The following TSHZ2 variants were observed in gnomAD, a reference collection of about 807,000 sequenced individuals.
TSHZ2 encodes the protein teashirt zinc finger homeobox 2.
TSHZ2 carries 21 observed loss-of-function variants against 74.4 expected under a neutral mutation model. That is an observed-to-expected ratio of 0.28 (90% CI 0.20 to 0.41). The LOEUF (loss-of-function observed/expected upper bound fraction) is 0.41, where lower values mean the gene tolerates loss of function less well. TSHZ2 is among the 10% of genes least tolerant of loss of function. TSHZ2 has a pLI of 1.00. For missense variants in TSHZ2, 1,244 were observed against 1,293.5 expected, an observed-to-expected ratio of 0.96 and a Z score of 0.59; for synonymous variants, 540 against 515.3, an observed-to-expected ratio of 1.05 and a Z score of -0.65.
At chr20:53,454,114 A>T (rs1050406610) in intron 2 of TSHZ2, among the ~76,000 whole-genome samples, 4 of 152,192 alleles carry the variant, frequency 2.6e-5, no homozygotes, top group Non-Finnish European at 5.9e-5. Context: ...TTGCTACTGA[A>T]AATTCCAGGC....
chr20:53,455,611 G>A (rs1377606166), intron 2 of TSHZ2, among the ~76,000 whole-genome samples: 1 of 151,860 alleles, frequency 6.6e-6, no homozygotes, highest in Non-Finnish European at 1.5e-5. Context: ...TGTGCACATT[G>A]TGCAGGTTAG....
At chr20:53,006,832 G>A (rs182321194) in intron 1 of TSHZ2, among the ~76,000 whole-genome samples, 1 of 152,098 alleles carries the variant, frequency 6.6e-6, no homozygotes, top group South Asian at 2.1e-4. Flanking sequence ...TGGTGGGGTA[G>A]GGTGCTATGG....
intron 1 of TSHZ2, among the ~76,000 whole-genome samples, chr20:53,169,129 T>C (rs918282741): frequency 3.3e-5 from 5 of 152,224 alleles, no homozygotes; most frequent in African/African-American, 1.2e-4. Flanking sequence ...GTAAGTGGGA[T>C]GGATAGGTAT....
intron 2 of TSHZ2, among the ~76,000 whole-genome samples, chr20:53,486,795 G>C (rs188341089): frequency 1.5e-4 from 22 of 151,244 alleles, no homozygotes; most frequent in African/African-American, 5.4e-4. Flanking sequence ...TCATCACCCA[G>C]GCAGTGAGCA....
intron 1 of TSHZ2, among the ~76,000 whole-genome samples, chr20:53,023,493 C>A (rs11907794): frequency 1.3e-5 from 2 of 152,052 alleles, no homozygotes; most frequent in Non-Finnish European, 2.9e-5. Context: ...TTAGCCTCTA[C>A]GCAGGAGTAC....
intron 1 of TSHZ2, among the ~76,000 whole-genome samples, chr20:53,227,807 C>G (rs915535823): frequency 6.6e-6 from 1 of 152,096 alleles, no homozygotes; most frequent in African/African-American, 2.4e-5. Flanking sequence ...CTGTTCAGAG[C>G]TATATCAGTA....
At chr20:53,141,273 T>C (rs974857343) in intron 1 of TSHZ2, among the ~76,000 whole-genome samples, 12 of 152,210 alleles carry the variant, frequency 7.9e-5, no homozygotes, top group Non-Finnish European at 1.2e-4. Context: ...TGATTCTTCA[T>C]GGCCCTTTTT....
At chr20:53,218,251 G>A (rs570308705) in intron 1 of TSHZ2, among the ~76,000 whole-genome samples, 1 of 152,242 alleles carries the variant, frequency 6.6e-6, no homozygotes, top group Non-Finnish European at 1.5e-5. Context: ...ACAGAGCTGT[G>A]TGTGTGCTGC....
At chr20:53,417,251 C>CAG (rs1983296470) in intron 2 of TSHZ2, among the ~76,000 whole-genome samples, 1 of 149,766 alleles carries the variant, frequency 6.7e-6, no homozygotes, top group Admixed American at 6.6e-5. Context: ...GACACACACA[C>CAG]ACACACACAC....
Position 53,095,287 on chromosome 20 carries a change from G to GT in TSHZ2, c.40+121955dup, listed in dbSNP as rs577180616. ...AGCCTCAGCTTTATATCTCTCAAGA[G>GT]TAAGTCCACCGTCACAGAGCTGGCC... On this transcript the variant is annotated intron_variant, in intron 1 of 2. Transcript: ENST00000371497. Among the ~76,000 whole-genome samples, 43 of 152,326 alleles carry GT rather than the reference G, an allele frequency of 2.8e-4. No homozygotes were observed. The South Asian group carries it at 8.7e-3, about 31-fold the overall frequency.
intron 2 of TSHZ2, among the ~76,000 whole-genome samples, chr20:53,411,404 GA>G (rs1203043497): frequency 6.6e-6 from 1 of 152,194 alleles, no homozygotes; most frequent in Admixed American, 6.5e-5. Flanking sequence ...GGGCAATTAG[GA>G]AACAGTGGTT....
intron 1 of TSHZ2, among the ~76,000 whole-genome samples, chr20:53,040,550 G>GT (rs1984000853): frequency 5.3e-5 from 8 of 152,104 alleles, no homozygotes; most frequent in Admixed American, 5.2e-4. Context: ...AGTGCAGTTT[G>GT]CTCCCACCCC....
intron 1 of TSHZ2, among the ~76,000 whole-genome samples, chr20:53,025,591 C>T (rs1983409170): frequency 6.6e-6 from 1 of 152,196 alleles, no homozygotes; most frequent in Admixed American, 6.5e-5. Context: ...GGTGCCTGCC[C>T]CCGGCAGATG....
At chr20:53,269,720 C>T (rs912675645) in intron 2 of TSHZ2, among the ~76,000 whole-genome samples, 11 of 152,072 alleles carry the variant, frequency 7.2e-5, no homozygotes, top group South Asian at 6.2e-4. Flanking sequence ...GTGGGTGCAG[C>T]GCACCAGCAT....
chr20:53,304,287 G>A (rs1397348069), intron 2 of TSHZ2, among the ~76,000 whole-genome samples: 1 of 145,500 alleles, frequency 6.9e-6, no homozygotes, highest in Admixed American at 7.3e-5. Flanking sequence ...AACTTTTATT[G>A]GAAGGTAGAG....
At chr20:53,407,462 G>A (rs1233236240) in intron 2 of TSHZ2, among the ~76,000 whole-genome samples, 1 of 152,146 alleles carries the variant, frequency 6.6e-6, no homozygotes, top group Non-Finnish European at 1.5e-5. Context: ...TTGCAAATGG[G>A]TTATGGACAG....
At chr20:53,114,576 G>C (rs1288794835) in intron 1 of TSHZ2, among the ~76,000 whole-genome samples, 2 of 152,226 alleles carry the variant, frequency 1.3e-5, no homozygotes, top group African/African-American at 2.4e-5. Flanking sequence ...CTGTCAGCAA[G>C]TTAGAAATTT....
At chr20:52,997,609 GC>G (rs1431386514) in intron 1 of TSHZ2, among the ~76,000 whole-genome samples, 3 of 151,906 alleles carry the variant, frequency 2.0e-5, no homozygotes, top group African/African-American at 7.2e-5. Context: ...CCTCTCCCCA[GC>G]CCTACCCTCT....
At chr20:53,314,416 G>T (rs954502504) in intron 2 of TSHZ2, among the ~76,000 whole-genome samples, 3 of 151,972 alleles carry the variant, frequency 2.0e-5, no homozygotes, top group Non-Finnish European at 2.9e-5. Context: ...CTTTCATTCT[G>T]TGGGTCAGGA....
Sources: gnomAD v4.1 joint callset for allele counts (sites outside exome capture counted in the v4.1 genomes callset) on GRCh38, gnomAD v4.1.1 for gene constraint, MANE v1.5 for transcripts, NCBI Gene and HGNC (gene_info 2026-07-23, HGNC 2026-07-21) for gene names.